GNE: variants seen among roughly 807,000 people sequenced by gnomAD.
The protein encoded by GNE is glucosamine (UDP-N-acetyl)-2-epimerase/N-acetylmannosamine kinase.
Under a neutral mutation model 61.8 loss-of-function variants are expected in GNE, and 41 were observed. The ratio of observed to expected loss-of-function variants is 0.66; its 90% CI spans 0.52 to 0.86. The LOEUF (loss-of-function observed/expected upper bound fraction) is 0.86. Ranked by LOEUF, GNE falls within the 40% of genes least tolerant of loss-of-function variation. GNE has a pLI of 0.00. For synonymous variants in GNE, 264 were observed against 326.4 expected (o/e 0.81, Z 2.06); for missense variants, 608 against 909.1 (o/e 0.67, Z 4.26).
At chr9:36,225,454 G>A (rs889506636) in intron 7 of GNE, among the ~76,000 whole-genome samples, 3 of 152,100 alleles carry the variant, frequency 2.0e-5, no homozygotes, top group African/African-American at 7.2e-5. Context: ...GGGCAACATG[G>A]TGAACCACTG....
intron 1 of GNE, among the ~76,000 whole-genome samples, chr9:36,250,801 C>T (rs147503463): frequency 0.027 from 4,105 of 152,310 alleles, 184 homozygotes; most frequent in African/African-American, 0.089. Context: ...CTGCCTCAGC[C>T]TCCCGAGTAG....
chr9:36,264,818 C>T (rs1398246846), intron 1 of GNE, among the ~76,000 whole-genome samples: 1 of 152,228 alleles, frequency 6.6e-6, no homozygotes, highest in African/African-American at 2.4e-5. Context: ...CATCTATTGC[C>T]TGAGAGCACA....
intron 9 of GNE, among the ~76,000 whole-genome samples, chr9:36,221,723 G>C (rs996610148): frequency 6.6e-6 from 1 of 152,204 alleles, no homozygotes; most frequent in African/African-American, 2.4e-5. Flanking sequence ...GGTCATGCCT[G>C]TAATCCCAGC....
At chr9:36,227,861 C>T (rs1346286411) in intron 6 of GNE, among the ~76,000 whole-genome samples, 1 of 151,942 alleles carries the variant, frequency 6.6e-6, no homozygotes, top group Non-Finnish European at 1.5e-5. Flanking sequence ...CACGGTGAAA[C>T]CCCATCTCTA....
intron 1 of GNE, among the ~76,000 whole-genome samples, chr9:36,272,676 G>C (rs1437232574): frequency 1.3e-5 from 2 of 150,572 alleles, no homozygotes; most frequent in Admixed American, 1.3e-4. Context: ...GGAAGAGGAG[G>C]AAGGACTGGA....
intron 1 of GNE, among the ~76,000 whole-genome samples, chr9:36,257,839 T>TAAAAAA (rs1830445148): frequency 2.1e-5 from 2 of 95,902 alleles, no homozygotes; most frequent in African/African-American, 4.9e-5. Context: ...AAAAAAAAAT[T>TAAAAAA]GGGGTGAGGG....
chr9:36,233,001 A>G (rs1258924761), intron 5 of GNE, among the ~76,000 whole-genome samples: 1 of 152,244 alleles, frequency 6.6e-6, no homozygotes, highest in Non-Finnish European at 1.5e-5. Flanking sequence ...GAAGATCTAA[A>G]TATAACAGAA....
chr9:36,217,961 T>C (rs918265912), intron 11 of GNE, among the ~76,000 whole-genome samples: 1 of 152,264 alleles, frequency 6.6e-6, no homozygotes, highest in African/African-American at 2.4e-5. Flanking sequence ...AGCATTTTTA[T>C]AGTTGTCAAA....
chr9:36,239,063 G>C (rs1829526007), intron 3 of GNE, among the ~76,000 whole-genome samples: 1 of 152,054 alleles, frequency 6.6e-6, no homozygotes, highest in Non-Finnish European at 1.5e-5. Context: ...TTATTTCTGG[G>C]TTCTCTATTC....
At chr9:36,265,686 A>G (rs2133185825) in intron 1 of GNE, 1 of 309,150 alleles carries the variant, frequency 3.2e-6, no homozygotes, top group Non-Finnish European at 6.6e-6. Flanking sequence ...CCTGGAAGAC[A>G]GTTTTTCCAT....
intron 5 of GNE, among the ~76,000 whole-genome samples, chr9:36,232,797 A>C (rs1052914554): frequency 5.3e-5 from 8 of 152,182 alleles, no homozygotes; most frequent in Non-Finnish European, 1.0e-4. Flanking sequence ...CTCCCACTAG[A>C]ATGTAAGTTA....
intron 1 of GNE, among the ~76,000 whole-genome samples, chr9:36,252,649 A>G (rs1018748645): frequency 3.3e-5 from 5 of 152,364 alleles, no homozygotes; most frequent in Middle Eastern, 3.4e-3. Flanking sequence ...TTAAATCTTA[A>G]AAATAAAATT....
intron 7 of GNE, 95 bp from the exon 8 acceptor site, chr9:36,223,597 T>C (rs1313851197): frequency 2.3e-6 from 3 of 1,297,812 alleles, no homozygotes; most frequent in East Asian, 4.6e-5. Flanking sequence ...TAGACACTGC[T>C]ATAGGATGGC....
chr9:36,226,421 T>C (rs1399298718), intron 7 of GNE, among the ~76,000 whole-genome samples: 1 of 151,964 alleles, frequency 6.6e-6, no homozygotes, highest in African/African-American at 2.4e-5. Flanking sequence ...TGACCTTAAG[T>C]GATCTGCCCA....
At chr9:36,231,971 G>A (rs1007426395) in intron 5 of GNE, among the ~76,000 whole-genome samples, 15 of 151,968 alleles carry the variant, frequency 9.9e-5, no homozygotes, top group East Asian at 1.9e-4. Flanking sequence ...TCCCCATATC[G>A]CTGCCCAATC....
chr9:36,222,965 T>A lies in GNE; in HGVS notation c.1445A>T (p.Glu482Val). The change falls in exon 9 of 12, where the codon GAA becomes GTA. Residue 482 changes from glutamate (E) to valine (V), a missense_variant. Physicochemically the swap from Glu to Val is moderately radical, Grantham distance 121 (BLOSUM62 -2). Coordinates refer to ENST00000642385, the MANE Select transcript of GNE (RefSeq NM_005476.7). ...TTTGGTTGAATGCAGCACAATTCCT[T>A]CCCGAGGATTTACACGGCCACCTGT... ...ISTGGRVNPR[E>V]GIVLHSTKLI... The A allele has an allele frequency of 6.2e-7, 1 of 1,613,998 alleles. No homozygotes were observed. Among genetic ancestry groups the A allele is most frequent in the Non-Finnish European group, 8.5e-7 (1 of 1,180,018 alleles).
chr9:36,258,858 C>T (rs952896501), upstream of GNE, among the ~76,000 whole-genome samples: 11 of 152,124 alleles, frequency 7.2e-5, no homozygotes, highest in Non-Finnish European at 1.5e-4. Flanking sequence ...GCGCGGCCAC[C>T]CCACAGCGGT....
intron 1 of GNE, among the ~76,000 whole-genome samples, chr9:36,270,516 CTT>C (rs1172459956): frequency 1.9e-4 from 25 of 131,626 alleles, no homozygotes; most frequent in South Asian, 1.0e-3. Context: ...GGATTTCTTT[CTT>C]TTTTTTTTTT....
At chr9:36,264,002 G>A (rs1830689190) in intron 1 of GNE, among the ~76,000 whole-genome samples, 1 of 152,232 alleles carries the variant, frequency 6.6e-6, no homozygotes, top group Non-Finnish European at 1.5e-5. Flanking sequence ...CATAGTCACA[G>A]ATAGCTGTGA....
Sources: gnomAD v4.1 joint callset for allele counts (sites outside exome capture counted in the v4.1 genomes callset) on GRCh38, gnomAD v4.1.1 for gene constraint, MANE v1.5 for transcripts, NCBI Gene and HGNC (gene_info 2026-07-23, HGNC 2026-07-21) for gene names.